BTBD9: variants seen among roughly 807,000 people sequenced by gnomAD.
The protein encoded by BTBD9 is BTB domain containing 9, also known as BTB/POZ domain-containing protein 9.
A neutral mutation model predicts 64.3 loss-of-function variants in BTBD9; 49 were observed. The observed-to-expected ratio is 0.76, with a 90% CI of 0.61 to 0.97. The LOEUF (loss-of-function observed/expected upper bound fraction) is 0.97, where lower values mean the gene tolerates loss of function less well. BTBD9 is among the 50% of genes least tolerant of loss of function. The probability of loss-of-function intolerance (pLI) is 0.00; values close to 1 mark genes in which losing one functional copy is unlikely to be tolerated. For missense variants in BTBD9, 598 were observed against 762.1 expected, an observed-to-expected ratio of 0.78 and a Z score of 2.53; for synonymous variants, 260 against 274.7, an observed-to-expected ratio of 0.95 and a Z score of 0.53.
At chr6:38,250,738 TAA>T (rs913139043) in intron 9 of BTBD9, among the ~76,000 whole-genome samples, 5 of 152,136 alleles carry the variant, frequency 3.3e-5, no homozygotes, top group Non-Finnish European at 7.4e-5. Flanking sequence ...ATCAACGTAG[TAA>T]AGAGTCGAGA....
At chr6:38,192,678 T>C in intron 9 of BTBD9, 81 bp from the exon 10 acceptor site, 1 of 1,294,804 alleles carries the variant, frequency 7.7e-7, no homozygotes, top group Non-Finnish European at 1.1e-6. Context: ...TCATGTCCAC[T>C]GAGGAGGGAG....
chr6:38,238,475 T>TG (rs1763870032), intron 9 of BTBD9, among the ~76,000 whole-genome samples: 1 of 145,342 alleles, frequency 6.9e-6, no homozygotes, highest in Non-Finnish European at 1.5e-5. Flanking sequence ...CCAAGGTTTT[T>TG]TGTTTTTTTT....
chr6:38,334,776 G>C (rs2127583817), intron 7 of BTBD9, among the ~76,000 whole-genome samples: 1 of 152,072 alleles, frequency 6.6e-6, no homozygotes, highest in African/African-American at 2.4e-5. Context: ...CATAAGTAGA[G>C]CCCAAAAATT....
At chr6:38,455,056 A>C (rs1769734357) in intron 6 of BTBD9, among the ~76,000 whole-genome samples, 1 of 152,240 alleles carries the variant, frequency 6.6e-6, no homozygotes, top group East Asian at 1.9e-4. Flanking sequence ...AACAAACAAA[A>C]TAAATAAATA....
intron 6 of BTBD9, among the ~76,000 whole-genome samples, chr6:38,544,262 T>C (rs1398391235): frequency 6.6e-6 from 1 of 152,154 alleles, no homozygotes; most frequent in African/African-American, 2.4e-5. Flanking sequence ...GCAATTACTA[T>C]ACCATTTTAT....
intron 6 of BTBD9, 23 bp downstream of exon 6, chr6:38,577,577 T>C (rs1776102021): frequency 1.3e-6 from 2 of 1,582,796 alleles, no homozygotes; most frequent in African/African-American, 1.4e-5. Flanking sequence ...ATAAAAATCA[T>C]TTATTAACCA....
chr6:38,237,690 A>G (rs997322255), intron 9 of BTBD9, among the ~76,000 whole-genome samples: 1 of 152,250 alleles, frequency 6.6e-6, no homozygotes, highest in Non-Finnish European at 1.5e-5. Context: ...ATCTGATGAA[A>G]AAACAATCTT....
intron 9 of BTBD9, among the ~76,000 whole-genome samples, chr6:38,229,612 T>C (rs575435759): frequency 6.6e-5 from 10 of 152,322 alleles, no homozygotes; most frequent in South Asian, 2.1e-4. Context: ...AGACTAAGAC[T>C]GCTCAAGGTT....
intron 8 of BTBD9, among the ~76,000 whole-genome samples, chr6:38,260,605 T>C (rs539109325): frequency 6.6e-6 from 1 of 152,208 alleles, no homozygotes; most frequent in African/African-American, 2.4e-5. Flanking sequence ...TGATAACATA[T>C]TTGAGGAAAA....
intron 6 of BTBD9, among the ~76,000 whole-genome samples, chr6:38,438,153 AAG>A (rs934058575): frequency 4.3e-4 from 64 of 148,758 alleles, no homozygotes; most frequent in African/African-American, 1.5e-3. Flanking sequence ...TTGATTCAGT[AAG>A]GCCAAACAGG....
intron 8 of BTBD9, among the ~76,000 whole-genome samples, chr6:38,282,549 C>G (rs1761555943): frequency 6.6e-6 from 1 of 152,178 alleles, no homozygotes; most frequent in Non-Finnish European, 1.5e-5. Context: ...TCTGATGGCG[C>G]TGAAGAAACA....
intron 1 of BTBD9, among the ~76,000 whole-genome samples, chr6:38,637,833 A>G (rs1778578296): frequency 6.6e-6 from 1 of 152,234 alleles, no homozygotes; most frequent in African/African-American, 2.4e-5. Context: ...TCAAGTAAGG[A>G]TAACACTTAT....
chr6:38,258,210 T>C (rs1764667314), intron 8 of BTBD9, among the ~76,000 whole-genome samples: 1 of 152,026 alleles, frequency 6.6e-6, no homozygotes, highest in Admixed American at 6.5e-5. Flanking sequence ...GGTCTCGAAC[T>C]CCTGACCTCA....
At chr6:38,246,721 G>A (rs1764220333) in intron 9 of BTBD9, among the ~76,000 whole-genome samples, 1 of 152,024 alleles carries the variant, frequency 6.6e-6, no homozygotes, top group Non-Finnish European at 1.5e-5. Context: ...CATTTCAAAA[G>A]TGACAATTAC....
chr6:38,300,796 CA>C (rs1762364843), intron 7 of BTBD9, among the ~76,000 whole-genome samples: 1 of 152,176 alleles, frequency 6.6e-6, no homozygotes, highest in African/African-American at 2.4e-5. Flanking sequence ...ACAATCATGT[CA>C]TCTGCAAACA....
chr6:38,441,983 T>G (rs1769056175), intron 6 of BTBD9, among the ~76,000 whole-genome samples: 1 of 152,098 alleles, frequency 6.6e-6, no homozygotes, highest in Non-Finnish European at 1.5e-5. Flanking sequence ...CATGAAGCCT[T>G]CCTCCCAAAA....
At chr6:38,438,350 G>A (rs1003591347) in intron 6 of BTBD9, among the ~76,000 whole-genome samples, 3 of 152,106 alleles carry the variant, frequency 2.0e-5, no homozygotes, top group Non-Finnish European at 4.4e-5. Context: ...CATAAGCCTG[G>A]GCAGCAGAAA....
intron 6 of BTBD9, chr6:38,504,364 G>A (rs115942170): frequency 4.2e-5 from 13 of 306,650 alleles, no homozygotes; most frequent in Non-Finnish European, 6.6e-5. Context: ...ATTATTTTAC[G>A]GAGACTACAA....
intron 10 of BTBD9, among the ~76,000 whole-genome samples, chr6:38,188,737 T>C (rs1233979607): frequency 6.6e-6 from 1 of 152,186 alleles, no homozygotes; most frequent in Non-Finnish European, 1.5e-5. Context: ...AAGTGGGGTC[T>C]TTGGGAAATG....
Sources: gnomAD v4.1 joint callset for allele counts (sites outside exome capture counted in the v4.1 genomes callset) on GRCh38, gnomAD v4.1.1 for gene constraint, MANE v1.5 for transcripts, NCBI Gene and HGNC (gene_info 2026-07-23, HGNC 2026-07-21) for gene names.